The following RBPMS variants were observed in gnomAD, a reference collection of about 807,000 sequenced individuals.
RBPMS encodes the protein RNA binding protein, mRNA processing factor.
RBPMS carries 7 observed loss-of-function variants against 26.8 expected under a neutral mutation model. That is an observed-to-expected ratio of 0.26 (90% CI 0.15 to 0.49). The LOEUF is 0.49. RBPMS is among the 20% of genes least tolerant of loss of function. The pLI, the probability that RBPMS is intolerant of heterozygous loss-of-function variation, is 0.98. For synonymous variants in RBPMS, 96 were observed against 93.3 expected, an observed-to-expected ratio of 1.03 and a Z score of -0.17; for missense variants, 186 against 250.0, an observed-to-expected ratio of 0.74 and a Z score of 1.73.
At chr8:30,551,462 G>A (rs1399796214) in intron 6 of RBPMS, among the ~76,000 whole-genome samples, 1 of 152,082 alleles carries the variant, frequency 6.6e-6, no homozygotes, top group Non-Finnish European at 1.5e-5. Context: ...TCTCAACGTG[G>A]GCCTCCTCCT....
rs183715961 is a variant in RBPMS at position 30,441,475 on chromosome 8, T to C, written c.67-33304T>C. The stretch of plus-strand genomic sequence containing the variant: ...GAACAGATTGTGAGGAAAGCATTAT[T>C]CATGTCACAAGAGTTTACAAATAAC... On this transcript the variant is annotated intron_variant, in intron 1 of 8. Coordinates refer to ENST00000397323, the MANE Select transcript of RBPMS (RefSeq NM_001008710.3). 7.7e-4 allele frequency among the ~76,000 whole-genome samples: 117 copies of C among 152,316 alleles called. 2 individuals are homozygous for C. The highest frequency in any genetic ancestry group is 6.7e-3 in the Admixed American group (103 of 15,296).
At chr8:30,431,174 CA>C (rs900524557) in intron 1 of RBPMS, among the ~76,000 whole-genome samples, 2 of 151,930 alleles carry the variant, frequency 1.3e-5, no homozygotes, top group Admixed American at 6.6e-5. Flanking sequence ...AGAGTGTATC[CA>C]GGGGGAGAAA....
intron 5 of RBPMS, among the ~76,000 whole-genome samples, chr8:30,521,888 A>G (rs536641156): frequency 6.6e-6 from 1 of 152,186 alleles, no homozygotes; most frequent in African/African-American, 2.4e-5. Flanking sequence ...CCAAAATCAT[A>G]ATAAATAAAG....
chr8:30,526,241 G>A (rs1563411277), intron 5 of RBPMS, among the ~76,000 whole-genome samples: 2 of 152,134 alleles, frequency 1.3e-5, no homozygotes, highest in Non-Finnish European at 2.9e-5. Context: ...TCATGTATTC[G>A]CTTTGCCTTC....
At chr8:30,482,666 C>T (rs1446589818) in intron 4 of RBPMS, among the ~76,000 whole-genome samples, 1 of 152,076 alleles carries the variant, frequency 6.6e-6, no homozygotes, top group Non-Finnish European at 1.5e-5. Context: ...GCAAAAAGTC[C>T]CACGTTAGGC....
intron 5 of RBPMS, among the ~76,000 whole-genome samples, chr8:30,535,693 G>A (rs1387327941): frequency 6.6e-6 from 1 of 152,194 alleles, no homozygotes; most frequent in Admixed American, 6.5e-5. Flanking sequence ...CTCTGTAGTA[G>A]CTGGGATTAC....
chr8:30,447,721 A>G (rs1368296855), intron 1 of RBPMS, among the ~76,000 whole-genome samples: 1 of 152,202 alleles, frequency 6.6e-6, no homozygotes, highest in Non-Finnish European at 1.5e-5. Context: ...TGAAATAAAT[A>G]TTTTCAGAAC....
intron 1 of RBPMS, among the ~76,000 whole-genome samples, chr8:30,431,535 A>G (rs532657814): frequency 6.6e-6 from 1 of 151,522 alleles, no homozygotes; most frequent in Non-Finnish European, 1.5e-5. Flanking sequence ...GCTCACTGCA[A>G]CCTCTGTCTC....
rs73581289 is a variant in RBPMS at position 30,438,505 on chromosome 8, C to T, written c.67-36274C>T. The stretch of plus-strand genomic sequence containing the variant: ...CAAGCAAAAGCTTAACTGACTACCT[C>T]TAAACTGAGGAATGTAAGAATTACC... On this transcript the variant is annotated intron_variant, in intron 1 of 8. Coordinates refer to ENST00000397323, the MANE Select transcript of RBPMS (RefSeq NM_001008710.3). Among the ~76,000 whole-genome samples, 911 of 152,288 alleles carry T rather than the reference C, an allele frequency of 6.0e-3. 11 individuals carry two copies. Among genetic ancestry groups the T allele is most frequent in the African/African-American group, 0.021 (858 of 41,550 alleles).
intron 1 of RBPMS, among the ~76,000 whole-genome samples, chr8:30,410,190 A>ACACT (rs904195575): frequency 7.0e-6 from 1 of 143,710 alleles, no homozygotes; most frequent in Non-Finnish European, 1.5e-5. Context: ...ACACACACAC[A>ACACT]CTTAACTGCT....
At chr8:30,556,710 C>T (rs1826955306) in intron 6 of RBPMS, 2 of 986,074 alleles carry the variant, frequency 2.0e-6, no homozygotes, top group Non-Finnish European at 2.4e-6. Context: ...CCCGTCCTTT[C>T]CCACCTGTCT....
intron 1 of RBPMS, among the ~76,000 whole-genome samples, chr8:30,452,038 G>T (rs1237308540): frequency 6.6e-6 from 1 of 152,150 alleles, no homozygotes; most frequent in Admixed American, 6.5e-5. Flanking sequence ...GGCCTTTTCT[G>T]TCAAGTGCTT....
intron 1 of RBPMS, among the ~76,000 whole-genome samples, chr8:30,424,729 G>T (rs143591322): frequency 6.6e-6 from 1 of 152,130 alleles, no homozygotes; most frequent in Non-Finnish European, 1.5e-5. Flanking sequence ...ATTTGATCTA[G>T]AAAGAAGGCC....
intron 6 of RBPMS, among the ~76,000 whole-genome samples, chr8:30,549,786 C>CTT (rs1826172452): frequency 9.1e-6 from 1 of 110,152 alleles, no homozygotes; most frequent in Non-Finnish European, 1.9e-5. Context: ...CTCTCTCTCT[C>CTT]TCTCTCTCTC....
chr8:30,488,904 A>ATTATAT (rs1819078851), intron 4 of RBPMS, among the ~76,000 whole-genome samples: 1 of 152,068 alleles, frequency 6.6e-6, no homozygotes, highest in East Asian at 1.9e-4. Flanking sequence ...AATCCAGCGG[A>ATTATAT]CCTGATTATA....
chr8:30,536,998 C>T (rs1019218081), intron 5 of RBPMS, among the ~76,000 whole-genome samples: 8 of 152,200 alleles, frequency 5.3e-5, no homozygotes, highest in African/African-American at 1.4e-4. Flanking sequence ...GAATATTCTG[C>T]TAATGCCAGG....
chr8:30,409,702 G>A (rs989032902), intron 1 of RBPMS, among the ~76,000 whole-genome samples: 24 of 151,028 alleles, frequency 1.6e-4, no homozygotes, highest in African/African-American at 5.6e-4. Flanking sequence ...GCGCGATCTC[G>A]GCTCACCACA....
chr8:30,418,980 C>A (rs1225255054), intron 1 of RBPMS, among the ~76,000 whole-genome samples: 1 of 149,850 alleles, frequency 6.7e-6, no homozygotes, highest in Non-Finnish European at 1.5e-5. Flanking sequence ...TTTCCCTAGT[C>A]TTTTTGCTTG....
At chr8:30,559,081 T>C in intron 7 of RBPMS, 125 bp downstream of exon 7, 2 of 786,996 alleles carry the variant, frequency 2.5e-6, no homozygotes, top group Non-Finnish European at 2.1e-6. Context: ...CCTTTGTCCA[T>C]CTTTGTTAAA....
Sources: gnomAD v4.1 joint callset for allele counts (sites outside exome capture counted in the v4.1 genomes callset) on GRCh38, gnomAD v4.1.1 for gene constraint, MANE v1.5 for transcripts, NCBI Gene and HGNC (gene_info 2026-07-23, HGNC 2026-07-21) for gene names.